Variants in TASP1 observed in about 807,000 individuals in gnomAD.
TASP1 encodes the protein threonine aspartase 1.
In TASP1, 16 loss-of-function variants were observed where a neutral mutation model predicts 56.6. That is an observed-to-expected ratio of 0.28 (90% CI 0.19 to 0.43). TASP1 has a LOEUF of 0.43. Among genes scored for constraint, TASP1 ranks in the 20% least tolerant of loss-of-function variants. The pLI is 1.00. For synonymous variants in TASP1, 179 were observed against 184.2 expected (o/e 0.97, Z 0.23); for missense variants, 393 against 511.6 (o/e 0.77, Z 2.24).
At chr20:13,321,251 C>CAAAAAAAAAAAAAAAA in the TASP1 span, among the ~76,000 whole-genome samples, 1 of 23,688 alleles carries the variant, frequency 4.2e-5, no homozygotes, top group Non-Finnish European at 7.1e-5. Flanking sequence ...ATGTGCCCCA[C>CAAAAAAAAAAAAAAAA]ATAAAAAAAA....
intron 4 of TASP1, among the ~76,000 whole-genome samples, chr20:13,605,859 T>G (rs908742233): frequency 3.3e-5 from 5 of 152,006 alleles, no homozygotes; most frequent in Non-Finnish European, 7.4e-5. Context: ...CCTACAATGG[T>G]TTCCTAGCAC....
the TASP1 span, among the ~76,000 whole-genome samples, chr20:13,269,934 A>AGGATGGATGGATGGATGGAT: frequency 2.3e-3 from 352 of 149,910 alleles, 5 homozygotes; most frequent in South Asian, 0.013. Flanking sequence ...TGTGGGTGGA[A>AGGATGGATGGATGGATGGAT]GGATGGATGG....
the TASP1 span, among the ~76,000 whole-genome samples, chr20:13,255,965 G>A: frequency 1.3e-5 from 2 of 151,656 alleles, no homozygotes; most frequent in African/African-American, 4.8e-5. Context: ...AAGAGGGAAA[G>A]ACCATTTGTA....
At chr20:13,185,272 CAG>C in the TASP1 span, among the ~76,000 whole-genome samples, 1 of 152,080 alleles carries the variant, frequency 6.6e-6, no homozygotes, top group Admixed American at 6.6e-5. Flanking sequence ...GCTCTTAAGA[CAG>C]AGTCCAAGCA....
the TASP1 span, among the ~76,000 whole-genome samples, chr20:13,124,220 C>T: frequency 6.6e-6 from 1 of 151,960 alleles, no homozygotes; most frequent in Non-Finnish European, 1.5e-5. Flanking sequence ...CCTTATGGTC[C>T]CTTTCTATCC....
chr20:13,293,180 C>A, the TASP1 span, among the ~76,000 whole-genome samples: 46 of 150,248 alleles, frequency 3.1e-4, no homozygotes, highest in Admixed American at 1.3e-3. Context: ...AGCACTCCAG[C>A]CTGGGTGACA....
the TASP1 span, among the ~76,000 whole-genome samples, chr20:13,328,670 T>G: frequency 3.0e-4 from 45 of 151,812 alleles, no homozygotes; most frequent in Non-Finnish European, 3.7e-4. Context: ...ATGCATGGAG[T>G]GGGAAGCCAT....
At chr20:13,136,049 T>C in the TASP1 span, among the ~76,000 whole-genome samples, 1 of 152,242 alleles carries the variant, frequency 6.6e-6, no homozygotes. Flanking sequence ...CTGATTTCAG[T>C]AGAATACACC....
chr20:13,436,401 G>C (rs2043003755), intron 11 of TASP1, among the ~76,000 whole-genome samples: 1 of 151,196 alleles, frequency 6.6e-6, no homozygotes, highest in African/African-American at 2.4e-5. Context: ...ATGCCACAGA[G>C]ACCGTGACAC....
chr20:13,331,673 C>CTTTT, the TASP1 span, among the ~76,000 whole-genome samples: 4 of 131,426 alleles, frequency 3.0e-5, no homozygotes, highest in African/African-American at 1.1e-4. Context: ...TTTTTTGTGG[C>CTTTT]TTTTTTTTTT....
chr20:13,207,902 A>T, the TASP1 span, among the ~76,000 whole-genome samples: 1 of 151,944 alleles, frequency 6.6e-6, no homozygotes, highest in Admixed American at 6.6e-5. Flanking sequence ...GCAGAGAAAC[A>T]CTCCACGGGA....
chr20:13,108,698 C>T, the TASP1 span, among the ~76,000 whole-genome samples: 18 of 152,138 alleles, frequency 1.2e-4, 1 homozygote, highest in Non-Finnish European at 2.5e-4. Flanking sequence ...TCTCAGCCTC[C>T]CAAGTAGCTG....
At chr20:13,276,356 C>A in the TASP1 span, among the ~76,000 whole-genome samples, 1 of 151,844 alleles carries the variant, frequency 6.6e-6, no homozygotes, top group Admixed American at 6.6e-5. Flanking sequence ...AGTGCATTTC[C>A]GAGCAAGAAT....
the TASP1 span, among the ~76,000 whole-genome samples, chr20:13,248,235 A>G: frequency 6.6e-6 from 1 of 152,210 alleles, no homozygotes; most frequent in Non-Finnish European, 1.5e-5. Flanking sequence ...TTCTTTATGA[A>G]CATTTCTTGT....
At chr20:13,492,916 TTATGATTAAACACAGA>T (rs771017083) in intron 10 of TASP1, among the ~76,000 whole-genome samples, 51 of 152,214 alleles carry the variant, frequency 3.4e-4, no homozygotes, top group Non-Finnish European at 6.2e-4. Context: ...ATTATCACAG[TTATGATTAAACACAGA>T]TATCTAGAGC....
At chr20:13,500,368 A>C (rs1337955562) in intron 10 of TASP1, among the ~76,000 whole-genome samples, 2 of 149,444 alleles carry the variant, frequency 1.3e-5, no homozygotes, top group Non-Finnish European at 3.0e-5. Context: ...CTGTTTTCAA[A>C]TATAATGTTT....
chr20:13,633,066 A>G (rs2049156849), intron 1 of TASP1, among the ~76,000 whole-genome samples: 1 of 152,240 alleles, frequency 6.6e-6, no homozygotes, highest in Non-Finnish European at 1.5e-5. Context: ...ACTCAACAAC[A>G]GCAATTTGGC....
intron 10 of TASP1, among the ~76,000 whole-genome samples, chr20:13,505,736 C>A (rs753337344): frequency 4.4e-4 from 67 of 151,962 alleles, no homozygotes; most frequent in Admixed American, 2.9e-3. Flanking sequence ...CACAACATAA[C>A]AAAATGTATG....
chr20:13,381,645 T>C, the TASP1 span, among the ~76,000 whole-genome samples: 1,596 of 152,318 alleles, frequency 0.01, 16 homozygotes, highest in South Asian at 0.023. Flanking sequence ...TTGTTGTTCT[T>C]AGTACCAGGA....
Sources: allele counts gnomAD v4.1 joint callset (sites outside exome capture counted in the v4.1 genomes callset), GRCh38; gene constraint gnomAD v4.1.1; transcripts MANE v1.5; gene names NCBI Gene and HGNC (gene_info 2026-07-23, HGNC 2026-07-21).